The following HPCA variants were observed in gnomAD, a reference collection of about 807,000 sequenced individuals.
HPCA encodes the protein hippocalcin.
In HPCA, 4 loss-of-function variants were observed where a neutral mutation model predicts 18.2. The ratio of observed to expected loss-of-function variants is 0.22; its 90% confidence interval spans 0.11 to 0.50. The LOEUF is 0.50. Among genes scored for constraint, HPCA ranks in the 20% least tolerant of loss-of-function variants. The pLI, the probability that HPCA is intolerant of heterozygous loss-of-function variation, is 0.97. For missense variants in HPCA, 161 were observed against 265.8 expected, an observed-to-expected ratio of 0.61 and a Z score of 2.74; for synonymous variants, 93 against 103.5, an observed-to-expected ratio of 0.90 and a Z score of 0.61.
Position 32,894,085 on chromosome 1 carries a change from G to A in HPCA, c.*223G>A. On this transcript the variant is annotated 3_prime_UTR_variant, in exon 4 of 4. Transcript: ENST00000373467. ...TCCCAGAGGCAACAATAGAGACACA[G>A]GCTGGGTTGGTCTGCCCCTCAGTCA... 1 of 546,410 alleles carries A rather than the reference G, an allele frequency of 1.8e-6. No homozygotes were observed. Among genetic ancestry groups the A allele is most frequent in the Non-Finnish European group, 3.3e-6 (1 of 306,040 alleles). The allele number at this position is 546,410 out of a possible 1,614,324, so 33.8% of individuals were successfully genotyped here.
chr1:32,888,820 C>G (rs1280935762), intron 1 of HPCA, 58 bp from the exon 2 acceptor site: 2 of 1,473,162 alleles, frequency 1.4e-6, no homozygotes, highest in Non-Finnish European at 1.8e-6. Flanking sequence ...GGAGCAGTGT[C>G]TAGTAGCCAG....
Position 32,893,888 on chromosome 1 carries a change from TC to T in HPCA, c.*29del, listed in dbSNP as rs1316199416. The stretch of plus-strand genomic sequence containing the variant: ...GAGGAGCCAGGTTCCCCTTCCTCCC[TC>T]CCTTCACCGGCCCCCTCCCGGCTCT... On this transcript the variant is annotated 3_prime_UTR_variant, in exon 4 of 4. Coordinates refer to ENST00000373467, the MANE Select transcript of HPCA (RefSeq NM_002143.3). This position sits in a 1 kb window ranked among gnomAD's most constrained non-coding sequence, Gnocchi z 7.5. The T allele has an allele frequency of 2.7e-6, 4 of 1,460,178 alleles. No homozygotes were observed. Among genetic ancestry groups the T allele is most frequent in the Non-Finnish European group, 3.8e-6 (4 of 1,064,324 alleles). The allele number at this position is 1,460,178 out of a possible 1,614,324, so 90.5% of individuals were successfully genotyped here.
chr1:32,892,859 C>T (rs1244643524), intron 2 of HPCA, among the ~76,000 whole-genome samples: 1 of 152,200 alleles, frequency 6.6e-6, no homozygotes, highest in East Asian at 1.9e-4. Flanking sequence ...AGCGCAAGAA[C>T]TCTCTTTCAC....
In HPCA at chr1:32,894,562, C is replaced by G. The variant is rs1157730253; in HGVS notation, c.*700C>G. ...CTGAGCCCCTGTCCTCCCCTCTGTC[C>G]CCCCAACCGCCCCCCCTGCATGCAG... On this transcript the variant is annotated 3_prime_UTR_variant, in exon 4 of 4. Coordinates refer to ENST00000373467, the MANE Select transcript of HPCA (RefSeq NM_002143.3). The G allele has an allele frequency of 2.0e-6, 1 of 504,478 alleles. No homozygotes were observed. Among genetic ancestry groups the G allele is most frequent in the Admixed American group, 3.2e-5 (1 of 31,432 alleles). 31.3% of individuals were successfully genotyped at this position (504,478 alleles called of 1,614,324 possible). A position where few individuals can be genotyped will look rare whatever the true frequency, so the allele number is the denominator to read the frequency against.
rs529099702 is a variant in HPCA at position 32,893,883 on chromosome 1, C to G, written c.*21C>G. 137 of 1,507,010 alleles carry G rather than the reference C, an allele frequency of 9.1e-5. 2 individuals carry two copies. Among genetic ancestry groups the G allele is most frequent in the Non-Finnish European group, 1.8e-6 (2 of 1,105,988 alleles). 93.4% of individuals were successfully genotyped at this position (1,507,010 alleles called of 1,614,324 possible). A position where few individuals can be genotyped will look rare whatever the true frequency, so the allele number is the denominator to read the frequency against. ...TCTGAGAGGAGCCAGGTTCCCCTTC[C>G]TCCCTCCCTTCACCGGCCCCCTCCC... On this transcript the variant is annotated 3_prime_UTR_variant, in exon 4 of 4. Coordinates refer to ENST00000373467, the MANE Select transcript of HPCA (RefSeq NM_002143.3). The surrounding 1 kb of genome is among the most constrained non-coding windows in gnomAD (Gnocchi z 7.5).
rs1306247022 is a variant in HPCA at position 32,889,662 on chromosome 1, A to G, written c.378+386A>G. ...AACCCATAATATGATTACCAAAGCC[A>G]GGATATTTAACATAGAAACAATGCT... On this transcript the variant is annotated intron_variant, in intron 2 of 3. Coordinates refer to ENST00000373467, the MANE Select transcript of HPCA (RefSeq NM_002143.3). This position sits in a 1 kb window ranked among gnomAD's most constrained non-coding sequence, Gnocchi z 4.6. Among the ~76,000 whole-genome samples the G allele has an allele frequency of 6.6e-6, 1 of 152,238 alleles. No homozygotes were observed. Among genetic ancestry groups the G allele is most frequent in the Non-Finnish European group, 1.5e-5 (1 of 68,038 alleles).
intron 2 of HPCA, among the ~76,000 whole-genome samples, chr1:32,890,143 C>T (rs1011216661): frequency 2.6e-5 from 4 of 152,228 alleles, no homozygotes; most frequent in African/African-American, 9.6e-5. Context: ...CAAAATCACA[C>T]AGCACATAAG....
At chr1:32,888,149 A>G (rs1557539033) in intron 1 of HPCA, among the ~76,000 whole-genome samples, 1 of 152,218 alleles carries the variant, frequency 6.6e-6, no homozygotes, top group Non-Finnish European at 1.5e-5. Flanking sequence ...CCCCAAAACA[A>G]TCCTCTTAGG....
Position 32,889,386 on chromosome 1 carries a change from T to G in HPCA, c.378+110T>G. 1 of 1,199,646 alleles carries G rather than the reference T, an allele frequency of 8.3e-7. No individual in the cohort carries two copies. Among genetic ancestry groups the G allele is most frequent in the Non-Finnish European group, 1.1e-6 (1 of 870,932 alleles). 74.3% of individuals were successfully genotyped at this position (1,199,646 alleles called of 1,614,324 possible). On this transcript the variant is annotated intron_variant, in intron 2 of 3. Coordinates refer to ENST00000373467, the MANE Select transcript of HPCA (RefSeq NM_002143.3). This position sits in a 1 kb window ranked among gnomAD's most constrained non-coding sequence, Gnocchi z 4.6. ...CGTAGGCATGTGGTGGCAGGGGATATTCTTGCAATCCCATTTTAAAAATTG... is the reference window on the plus strand; with the variant it reads ...CGTAGGCATGTGGTGGCAGGGGATAGTCTTGCAATCCCATTTTAAAAATTG...
Position 32,893,872 on chromosome 1 carries a change from G to A in HPCA, c.*10G>A. The A allele has an allele frequency of 4.5e-6, 7 of 1,545,646 alleles. No individual in the cohort carries two copies. Among genetic ancestry groups the A allele is most frequent in the Non-Finnish European group, 6.1e-6 (7 of 1,139,898 alleles). On this transcript the variant is annotated 3_prime_UTR_variant, in exon 4 of 4. Coordinates refer to ENST00000373467, the MANE Select transcript of HPCA (RefSeq NM_002143.3). This position sits in a 1 kb window ranked among gnomAD's most constrained non-coding sequence, Gnocchi z 7.5. Reference sequence around the variant, plus strand: ...CGCCTCCCAGTTCTGAGAGGAGCCAGGTTCCCCTTCCTCCCTCCCTTCACC... The same window carrying A: ...CGCCTCCCAGTTCTGAGAGGAGCCAAGTTCCCCTTCCTCCCTCCCTTCACC...
Position 32,888,049 on chromosome 1 carries a change from T to C in HPCA, c.-21-829T>C, listed in dbSNP as rs942243. Among the ~76,000 whole-genome samples, 427 of 152,312 alleles carry C rather than the reference T, an allele frequency of 2.8e-3. 2 individuals carry two copies. Among genetic ancestry groups the C allele is most frequent in the African/African-American group, 9.8e-3 (406 of 41,552 alleles). On this transcript the variant is annotated intron_variant, in intron 1 of 3. Transcript: ENST00000373467. ...ATGAGTTTTGTGGCACCTGGGTATA[T>C]GTAAGTCATTTTTATTTATTTAACA...
chr1:32,893,303 CA>C lies in HPCA; in HGVS notation c.379-219del, dbSNP rs1373771985. 3.3e-5 allele frequency among the ~76,000 whole-genome samples: 5 copies of C among 152,214 alleles called. No homozygotes were observed. Among genetic ancestry groups the C allele is most frequent in the African/African-American group, 1.2e-4 (5 of 41,452 alleles). Reference sequence around the variant, plus strand: ...TTTGCTCCTTTCCCACCCAGCCCTCCAAGGGAGCGCGGCAGGGCCCGCCCGA... The same window carrying C: ...TTTGCTCCTTTCCCACCCAGCCCTCCAGGGAGCGCGGCAGGGCCCGCCCGA... On this transcript the variant is annotated intron_variant, in intron 2 of 3. Transcript: ENST00000373467. The surrounding 1 kb of genome is among the most constrained non-coding windows in gnomAD (Gnocchi z 7.5).
In HPCA at chr1:32,893,895, A is replaced by C; in HGVS notation, c.*33A>C. 1 of 1,411,164 alleles carries C rather than the reference A, an allele frequency of 7.1e-7. No homozygotes were observed. 87.4% of individuals were successfully genotyped at this position (1,411,164 alleles called of 1,614,324 possible). A position where few individuals can be genotyped will look rare whatever the true frequency, so the allele number is the denominator to read the frequency against. ...CAGGTTCCCCTTCCTCCCTCCCTTC[A>C]CCGGCCCCCTCCCGGCTCTTAGCTT... On this transcript the variant is annotated 3_prime_UTR_variant, in exon 4 of 4. Transcript: ENST00000373467. This position sits in a 1 kb window ranked among gnomAD's most constrained non-coding sequence, Gnocchi z 7.5.
intron 2 of HPCA, among the ~76,000 whole-genome samples, chr1:32,890,841 C>A (rs939513181): frequency 6.6e-6 from 1 of 152,222 alleles, no homozygotes; most frequent in Non-Finnish European, 1.5e-5. Context: ...GTGATGCCCT[C>A]CCCATACCTA....
At position 32,888,938 on chromosome 1, in the gene HPCA, C is replaced by G; in HGVS notation, c.40C>G (p.Gln14Glu). ...QNSKLRPEML[Q>E]DLRENTEFSE... ...CAGCAAGCTGCGGCCCGAGATGTTGCAGGACCTGCGAGAGAACACAGAGTT... is the reference window on the plus strand; with the variant it reads ...CAGCAAGCTGCGGCCCGAGATGTTGGAGGACCTGCGAGAGAACACAGAGTT... The change falls in exon 2 of 4, where the codon CAG becomes GAG. Residue 14 changes from glutamine (Q) to glutamate (E), a missense_variant. Transcript: ENST00000373467. The G allele has an allele frequency of 6.2e-7, 1 of 1,613,792 alleles. No homozygotes were observed. Among genetic ancestry groups the G allele is most frequent in the South Asian group, 1.1e-5 (1 of 91,038 alleles).
chr1:32,890,365 T>C (rs1641435703), intron 2 of HPCA, among the ~76,000 whole-genome samples: 1 of 152,258 alleles, frequency 6.6e-6, no homozygotes, highest in Non-Finnish European at 1.5e-5. Context: ...GTTAGCTTTA[T>C]TTCAGAAACC....
chr1:32,893,945 T>TG lies in HPCA; in HGVS notation c.*88dup. On this transcript the variant is annotated 3_prime_UTR_variant, in exon 4 of 4. Coordinates refer to ENST00000373467, the MANE Select transcript of HPCA (RefSeq NM_002143.3). This position sits in a 1 kb window ranked among gnomAD's most constrained non-coding sequence, Gnocchi z 7.5. ...TCCACTCCCTTGTGTGTATTCTGGC[T>TG]GGGGGCCAGATTGGGGAAGCCCTTC... The TG allele has an allele frequency of 9.5e-7, 1 of 1,052,470 alleles. No homozygotes were observed. 65.2% of individuals were successfully genotyped at this position (1,052,470 alleles called of 1,614,324 possible).
At position 32,893,565 on chromosome 1, in the gene HPCA, G is replaced by A; in HGVS notation, c.420G>A (p.Glu140=). 6.2e-7 allele frequency: 1 copy of A among 1,613,996 alleles called. No homozygotes were observed. Among genetic ancestry groups the A allele is most frequent in the Non-Finnish European group, 8.5e-7 (1 of 1,179,908 alleles). ...TTTCGTCCGTGATGAAGATGCCGGA[G>A]GACGAGTCGACCCCGGAAAAGAGGA... ...KMVSSVMKMP[E]DESTPEKRTE... The change falls in exon 3 of 4, where the codon GAG becomes GAA. Residue 140 remains glutamate (E), a synonymous_variant. Coordinates refer to ENST00000373467, the MANE Select transcript of HPCA (RefSeq NM_002143.3). The surrounding 1 kb of genome is among the most constrained non-coding windows in gnomAD (Gnocchi z 7.5).
chr1:32,887,301 C>T (rs1641386766), intron 1 of HPCA, among the ~76,000 whole-genome samples: 1 of 152,134 alleles, frequency 6.6e-6, no homozygotes, highest in South Asian at 2.1e-4. Context: ...TGGAAAGACA[C>T]GGCAGGCAAA....
Sources: allele counts gnomAD v4.1 joint callset (sites outside exome capture counted in the v4.1 genomes callset), GRCh38; gene constraint gnomAD v4.1.1; non-coding constraint Gnocchi (gnomAD v3.1); transcripts MANE v1.5; gene names NCBI Gene and HGNC (gene_info 2026-07-23, HGNC 2026-07-21).